The following PRKCH variants were observed in gnomAD, a reference collection of about 807,000 sequenced individuals.
PRKCH encodes protein kinase C eta.
In PRKCH, 28 loss-of-function variants were observed where a neutral mutation model predicts 82.5. The observed-to-expected ratio is 0.34, with a 90% CI of 0.25 to 0.47. PRKCH has a LOEUF of 0.47. Among genes scored for constraint, PRKCH ranks in the 20% least tolerant of loss-of-function variants. The pLI is 1.00. For missense variants in PRKCH, 705 were observed against 881.8 expected, an observed-to-expected ratio of 0.80 and a Z score of 2.54; for synonymous variants, 322 against 327.4, an observed-to-expected ratio of 0.98 and a Z score of 0.18.
chr14:61,538,696 A>C (rs116862758), intron 12 of PRKCH, among the ~76,000 whole-genome samples: 1 of 152,312 alleles, frequency 6.6e-6, no homozygotes, highest in East Asian at 1.9e-4. Context: ...TGGGTCAGAA[A>C]AGCTTTTTGT....
chr14:61,443,008 A>T lies in PRKCH; in HGVS notation c.428-103A>T. The stretch of plus-strand genomic sequence containing the variant: ...TGGTTTAGATCTTGAAGAAAGAAAA[A>T]ATAATTTGAGGAGTGAGCACTTGAA... On this transcript the variant is annotated intron_variant, in intron 2 of 13. Coordinates refer to ENST00000332981, the MANE Select transcript of PRKCH (RefSeq NM_006255.5). The T allele has an allele frequency of 3.4e-6, 4 of 1,170,002 alleles. No homozygotes were observed. The South Asian group carries it at 6.3e-5, about 19-fold the overall frequency. The allele number at this position is 1,170,002 out of a possible 1,614,324, so 72.5% of individuals were successfully genotyped here.
chr14:61,202,217 C>T (rs962048361), intron 1 of PRKCH, among the ~76,000 whole-genome samples: 1 of 152,158 alleles, frequency 6.6e-6, no homozygotes, highest in East Asian at 1.9e-4. Context: ...TGCTATTACA[C>T]GCCCACCCAT....
chr14:61,376,223 C>G (rs74957989), intron 1 of PRKCH, among the ~76,000 whole-genome samples: 1,567 of 152,224 alleles, frequency 0.01, 34 homozygotes, highest in South Asian at 0.06. Flanking sequence ...GCCAGCGTGC[C>G]TTTCCCAACA....
intron 1 of PRKCH, among the ~76,000 whole-genome samples, chr14:61,381,807 G>A (rs2046514658): frequency 6.6e-6 from 1 of 152,230 alleles, no homozygotes; most frequent in African/African-American, 2.4e-5. Flanking sequence ...AATGAGTGGT[G>A]TGATGACCTC....
chr14:61,417,635 C>T (rs775479960), intron 2 of PRKCH, among the ~76,000 whole-genome samples: 59 of 152,098 alleles, frequency 3.9e-4, no homozygotes, highest in African/African-American at 3.1e-4. Flanking sequence ...ATTTTTCATT[C>T]GGAGACAGTG....
At chr14:61,498,710 T>C (rs1326087452) in intron 10 of PRKCH, among the ~76,000 whole-genome samples, 2 of 152,170 alleles carry the variant, frequency 1.3e-5, no homozygotes, top group African/African-American at 2.4e-5. Flanking sequence ...CTGGTGTCTC[T>C]TGTTATAAGG....
chr14:61,529,251 C>T (rs1022906587), intron 11 of PRKCH, 38 bp downstream of exon 11: 1 of 1,578,100 alleles, frequency 6.3e-7, no homozygotes. Context: ...GAAATCTGAG[C>T]TCTCCAGTAA....
chr14:61,288,145 C>A (rs927222795), intron 1 of PRKCH, among the ~76,000 whole-genome samples: 2 of 152,090 alleles, frequency 1.3e-5, no homozygotes, highest in African/African-American at 4.8e-5. Context: ...AGGTGCCCAA[C>A]AAAGACATGC....
At chr14:61,508,138 C>T (rs1221865276) in intron 10 of PRKCH, among the ~76,000 whole-genome samples, 1 of 152,016 alleles carries the variant, frequency 6.6e-6, no homozygotes, top group East Asian at 1.9e-4. Flanking sequence ...CTTTGGTCCC[C>T]CAGCCTTTAA....
At chr14:61,492,237 C>T (rs769738609) in intron 10 of PRKCH, 1 of 152,218 alleles carries the variant, frequency 6.6e-6, no homozygotes, top group Non-Finnish European at 1.5e-5. Flanking sequence ...ATTAAACACT[C>T]CTTGTAAATA....
chr14:61,264,313 C>T (rs2045076807), intron 1 of PRKCH, among the ~76,000 whole-genome samples: 2 of 152,182 alleles, frequency 1.3e-5, no homozygotes, highest in African/African-American at 2.4e-5. Context: ...CTTAGGGTAT[C>T]TTGTTACATG....
At chr14:61,428,810 T>G (rs1883254865) in intron 2 of PRKCH, among the ~76,000 whole-genome samples, 1 of 152,260 alleles carries the variant, frequency 6.6e-6, no homozygotes, top group South Asian at 2.1e-4. Context: ...GGTTTGATTC[T>G]GAAATTCAAT....
At chr14:61,446,630 CT>C (rs1378916983) in intron 4 of PRKCH, among the ~76,000 whole-genome samples, 1 of 152,168 alleles carries the variant, frequency 6.6e-6, no homozygotes, top group Non-Finnish European at 1.5e-5. Context: ...TTCCATTGAA[CT>C]TTCAAAGTTA....
intron 2 of PRKCH, among the ~76,000 whole-genome samples, chr14:61,410,787 A>G (rs1364589256): frequency 6.6e-6 from 1 of 152,302 alleles, no homozygotes; most frequent in East Asian, 1.9e-4. Context: ...CATAGCCATC[A>G]TGGCCAGGTC....
intron 2 of PRKCH, among the ~76,000 whole-genome samples, chr14:61,407,924 T>C (rs989507855): frequency 1.3e-5 from 2 of 152,300 alleles, no homozygotes; most frequent in African/African-American, 4.8e-5. Flanking sequence ...ACTTGAGCTC[T>C]TCAGACAGGG....
chr14:61,380,373 T>C (rs186493974), intron 1 of PRKCH, among the ~76,000 whole-genome samples: 1 of 152,252 alleles, frequency 6.6e-6, no homozygotes, highest in East Asian at 1.9e-4. Flanking sequence ...ATTTCAGGTG[T>C]GAGCCACTGC....
chr14:61,331,479 C>T (rs2045787518), intron 1 of PRKCH, among the ~76,000 whole-genome samples: 1 of 152,154 alleles, frequency 6.6e-6, no homozygotes, highest in Admixed American at 6.5e-5. Flanking sequence ...TATGATCGAG[C>T]TGCTGCTCCT....
intron 1 of PRKCH, among the ~76,000 whole-genome samples, chr14:61,295,700 C>T (rs1276309384): frequency 2.6e-5 from 4 of 152,186 alleles, no homozygotes; most frequent in South Asian, 4.1e-4. Context: ...CCATACCACA[C>T]GTCTTCCTTC....
At chr14:61,291,609 C>T (rs2045363504) in intron 1 of PRKCH, among the ~76,000 whole-genome samples, 2 of 152,088 alleles carry the variant, frequency 1.3e-5, no homozygotes, top group East Asian at 1.9e-4. Context: ...GGATTACAGG[C>T]GTGAGCCACC....
Sources: allele counts gnomAD v4.1 joint callset (sites outside exome capture counted in the v4.1 genomes callset), GRCh38; gene constraint gnomAD v4.1.1; transcripts MANE v1.5; gene names NCBI Gene and HGNC (gene_info 2026-07-23, HGNC 2026-07-21).